SGK1: variants seen among roughly 807,000 people sequenced by gnomAD.
The protein encoded by SGK1 is serum/glucocorticoid regulated kinase 1.
A neutral mutation model predicts 64.2 loss-of-function variants in SGK1; 26 were observed. The observed-to-expected ratio is 0.40, with a 90% CI of 0.30 to 0.56. The LOEUF (loss-of-function observed/expected upper bound fraction) is 0.56. Among genes scored for constraint, SGK1 ranks in the 20% least tolerant of loss-of-function variants. The pLI is 0.38. For missense variants in SGK1, 519 were observed against 645.6 expected (o/e 0.80, Z 2.12); for synonymous variants, 265 against 239.7 (o/e 1.11, Z -0.98).
chr6:134,175,691 C>G (rs899505819), intron 3 of SGK1: 1 of 1,454,348 alleles, frequency 6.9e-7, no homozygotes, highest in Non-Finnish European at 9.1e-7. Context: ...GCGCGGCAGA[C>G]GAGAGCGACC....
chr6:134,203,653 G>T (rs1286357929), intron 3 of SGK1, among the ~76,000 whole-genome samples: 2 of 152,176 alleles, frequency 1.3e-5, no homozygotes, highest in African/African-American at 4.8e-5. Flanking sequence ...TAGAAGATTG[G>T]ACTGGCTGTA....
intron 1 of SGK1, among the ~76,000 whole-genome samples, chr6:134,290,324 T>TA (rs746492506): frequency 3.2e-4 from 39 of 120,132 alleles, no homozygotes; most frequent in African/African-American, 7.5e-4. Context: ...ACCCTGCCTC[T>TA]AAAAAAAAAA....
chr6:134,292,549 C>T (rs1376875053), intron 1 of SGK1, among the ~76,000 whole-genome samples: 3 of 151,908 alleles, frequency 2.0e-5, no homozygotes, highest in East Asian at 1.9e-4. Flanking sequence ...GCCGAGATTG[C>T]GCCACTGCAC....
chr6:134,209,702 A>T (rs915687403), intron 2 of SGK1, among the ~76,000 whole-genome samples: 4 of 152,036 alleles, frequency 2.6e-5, no homozygotes, highest in African/African-American at 9.7e-5. Context: ...GTTGAGATGG[A>T]GTCTCGCTTT....
chr6:134,193,485 G>A (rs1235680920), intron 3 of SGK1, among the ~76,000 whole-genome samples: 2 of 151,954 alleles, frequency 1.3e-5, no homozygotes, highest in Non-Finnish European at 2.9e-5. Flanking sequence ...AGCCTCCCAA[G>A]TAGCTGGGAC....
At chr6:134,183,860 C>A (rs1298573416) in intron 3 of SGK1, among the ~76,000 whole-genome samples, 2 of 127,896 alleles carry the variant, frequency 1.6e-5, no homozygotes, top group Non-Finnish European at 3.3e-5. Context: ...CCCACCCCCA[C>A]CCCCCACCCC....
intron 2 of SGK1, among the ~76,000 whole-genome samples, chr6:134,229,422 T>A (rs1385536798): frequency 2.0e-5 from 3 of 152,246 alleles, no homozygotes; most frequent in African/African-American, 7.2e-5. Context: ...GTTTATTACT[T>A]AAACAGCTGC....
intron 2 of SGK1, among the ~76,000 whole-genome samples, chr6:134,253,458 T>C (rs1045933728): frequency 6.6e-6 from 1 of 151,860 alleles, no homozygotes; most frequent in Non-Finnish European, 1.5e-5. Context: ...GAAACCAGAC[T>C]GAGCAACAGC....
intron 3 of SGK1, among the ~76,000 whole-genome samples, chr6:134,185,191 C>T (rs1022563339): frequency 6.6e-6 from 1 of 152,204 alleles, no homozygotes; most frequent in Admixed American, 6.5e-5. Flanking sequence ...TCCTCAAGAA[C>T]TTTAGAACTT....
Position 134,172,734 on chromosome 6 carries a change from G to A in SGK1, c.875C>T (p.Pro292Leu), listed in dbSNP as rs1383459382. The A allele has an allele frequency of 6.2e-7, 1 of 1,614,116 alleles. No individual in the cohort carries two copies. Among genetic ancestry groups the A allele is most frequent in the Non-Finnish European group, 8.5e-7 (1 of 1,179,972 alleles). ...HLQRERCFLE[P>L]RARFYAAEIA... is the part of the protein sequence containing the mutation. ...TTCAGCAGCATAGAAACGAGCCCGT[G>A]GTTCCAGGAAGCAGCGTTCCCTCTG... Residue 292 changes from proline (P) to leucine (L), a missense_variant, in exon 9 of 14, where the codon CCA becomes CTA. Coordinates refer to ENST00000367858, the MANE Select transcript of SGK1 (RefSeq NM_001143676.3).
intron 2 of SGK1, among the ~76,000 whole-genome samples, chr6:134,227,297 G>A (rs566990471): frequency 6.6e-6 from 1 of 152,088 alleles, no homozygotes; most frequent in African/African-American, 2.4e-5. Context: ...ACCATGCCTG[G>A]CTAATTTTTG....
intron 2 of SGK1, among the ~76,000 whole-genome samples, chr6:134,231,166 G>A (rs750878107): frequency 5.2e-4 from 79 of 152,158 alleles, no homozygotes; most frequent in Non-Finnish European, 1.0e-3. Context: ...GCCAGTCTCC[G>A]TGACAGAGTG....
At chr6:134,258,724 A>C (rs1254412027) in intron 2 of SGK1, among the ~76,000 whole-genome samples, 1 of 152,156 alleles carries the variant, frequency 6.6e-6, no homozygotes, top group African/African-American at 2.4e-5. Flanking sequence ...AAATAAAATA[A>C]ATAAAAAGGC....
chr6:134,310,123 A>T (rs561671700), intron 1 of SGK1, among the ~76,000 whole-genome samples: 45 of 148,890 alleles, frequency 3.0e-4, no homozygotes, highest in African/African-American at 1.1e-3. Flanking sequence ...TACCTTGTTA[A>T]GCACTTACAG....
intron 2 of SGK1, among the ~76,000 whole-genome samples, chr6:134,239,147 C>T (rs565118430): frequency 9.2e-5 from 14 of 152,290 alleles, no homozygotes; most frequent in African/African-American, 3.4e-4. Context: ...CTAATGATCC[C>T]AGGAGCTTTT....
intron 2 of SGK1, among the ~76,000 whole-genome samples, chr6:134,242,225 C>A (rs1776459875): frequency 6.6e-6 from 1 of 152,108 alleles, no homozygotes; most frequent in African/African-American, 2.4e-5. Context: ...GTGGCTCACG[C>A]CTGTAATCCC....
intron 2 of SGK1, among the ~76,000 whole-genome samples, chr6:134,229,967 AT>A (rs1160604566): frequency 6.6e-6 from 1 of 152,226 alleles, no homozygotes; most frequent in Non-Finnish European, 1.5e-5. Flanking sequence ...ACTTAAAGCC[AT>A]TAAAAAGCCT....
chr6:134,296,024 A>G (rs959333020), intron 1 of SGK1, among the ~76,000 whole-genome samples: 4 of 152,266 alleles, frequency 2.6e-5, no homozygotes, highest in African/African-American at 4.8e-5. Flanking sequence ...ACAGATGGTC[A>G]GCATAGAATG....
intron 1 of SGK1, among the ~76,000 whole-genome samples, chr6:134,302,358 C>G (rs1024670357): frequency 2.0e-5 from 3 of 152,196 alleles, no homozygotes; most frequent in African/African-American, 7.2e-5. Context: ...TAGACCATTG[C>G]AGTGCTCCAG....
Sources: allele counts gnomAD v4.1 joint callset (sites outside exome capture counted in the v4.1 genomes callset), GRCh38; gene constraint gnomAD v4.1.1; transcripts MANE v1.5; gene names NCBI Gene and HGNC (gene_info 2026-07-23, HGNC 2026-07-21).